KCNQ3: variants seen among roughly 807,000 people sequenced by gnomAD.
KCNQ3 encodes the protein potassium voltage-gated channel subfamily Q member 3, also known as potassium voltage-gated channel subfamily KQT member 3.
In KCNQ3, 30 loss-of-function variants were observed where a neutral mutation model predicts 92.5. The observed-to-expected ratio is 0.32, with a 90% confidence interval of 0.24 to 0.44. The LOEUF (loss-of-function observed/expected upper bound fraction) is 0.44, where lower values mean the gene tolerates loss of function less well. Among genes scored for constraint, KCNQ3 ranks in the 20% least tolerant of loss-of-function variants. The pLI, the probability that KCNQ3 is intolerant of heterozygous loss-of-function variation, is 1.00. For synonymous variants in KCNQ3, 450 were observed against 468.8 expected (o/e 0.96, Z 0.52); for missense variants, 913 against 1,140.3 (o/e 0.80, Z 2.87).
chr8:132,309,727 C>T (rs372078789), intron 1 of KCNQ3, among the ~76,000 whole-genome samples: 33 of 152,274 alleles, frequency 2.2e-4, no homozygotes, highest in African/African-American at 7.9e-4. Context: ...TTGAAGAAGC[C>T]GACAAAGACA....
chr8:132,336,140 T>G (rs559186400), intron 1 of KCNQ3, among the ~76,000 whole-genome samples: 1 of 152,200 alleles, frequency 6.6e-6, no homozygotes, highest in Non-Finnish European at 1.5e-5. Context: ...CCCACCTGAC[T>G]GTGCATTCCC....
chr8:132,148,184 AG>A, intron 9 of KCNQ3, among the ~76,000 whole-genome samples: 1 of 152,308 alleles, frequency 6.6e-6, no homozygotes, highest in South Asian at 2.1e-4. Flanking sequence ...GCCAAAAGAA[AG>A]GGGGTCTGGA....
At chr8:132,246,494 C>G (rs553139678) in intron 1 of KCNQ3, among the ~76,000 whole-genome samples, 1 of 152,174 alleles carries the variant, frequency 6.6e-6, no homozygotes, top group Non-Finnish European at 1.5e-5. Context: ...ATAAACAACA[C>G]TTTAAATCAT....
intron 1 of KCNQ3, among the ~76,000 whole-genome samples, chr8:132,343,445 A>G (rs1034744914): frequency 6.6e-6 from 1 of 152,198 alleles, no homozygotes; most frequent in African/African-American, 2.4e-5. Context: ...GAAATACCCA[A>G]GGAAGCCTCC....
intron 1 of KCNQ3, among the ~76,000 whole-genome samples, chr8:132,453,039 C>T (rs1284675383): frequency 2.0e-5 from 3 of 152,106 alleles, no homozygotes; most frequent in Non-Finnish European, 4.4e-5. Context: ...TCAGGGAAGC[C>T]CCTCCTGGAT....
intron 1 of KCNQ3, among the ~76,000 whole-genome samples, chr8:132,473,091 T>C (rs112258418): frequency 0.022 from 3,292 of 152,172 alleles, 48 homozygotes; most frequent in African/African-American, 0.025. Context: ...TGACAACTTA[T>C]CAAAATCCTT....
chr8:132,205,174 ACC>A (rs1813617924), intron 1 of KCNQ3, among the ~76,000 whole-genome samples: 2 of 152,286 alleles, frequency 1.3e-5, no homozygotes, highest in East Asian at 3.9e-4. Flanking sequence ...TGTGGTACTC[ACC>A]CTCCAAAAAG....
At chr8:132,218,091 G>A (rs1057157172) in intron 1 of KCNQ3, among the ~76,000 whole-genome samples, 2 of 152,182 alleles carry the variant, frequency 1.3e-5, no homozygotes, top group African/African-American at 2.4e-5. Context: ...AATGAAGGAG[G>A]CTTTGTGAAT....
chr8:132,143,091 T>C (rs1424060328), intron 9 of KCNQ3, among the ~76,000 whole-genome samples: 1 of 152,218 alleles, frequency 6.6e-6, no homozygotes, highest in Admixed American at 6.5e-5. Flanking sequence ...GAGCAGTTGT[T>C]ATTCCTGACT....
chr8:132,148,828 G>A (rs747849), intron 9 of KCNQ3, among the ~76,000 whole-genome samples: 78,632 of 151,996 alleles, frequency 0.52, 20,706 homozygotes, highest in African/African-American at 0.6. Flanking sequence ...ACACCATTTG[G>A]GCTCATGGTT....
At position 132,140,166 on chromosome 8, in the gene KCNQ3, C is replaced by A. The variant is rs1371480184; in HGVS notation, c.1478G>T (p.Gly493Val). 1 of 1,613,142 alleles carries A rather than the reference C, an allele frequency of 6.2e-7. No homozygotes were observed. Among genetic ancestry groups the A allele is most frequent in the African/African-American group, 1.3e-5 (1 of 74,862 alleles). The part of the protein sequence containing the change: ...FWQSSEDAGT[G>V]DPMAEDRGYG... ...GCCCCTGTCTTCCGCCATGGGGTCA[C>A]CTGTCCCGGCATCTGGGAGGGAGAC... Residue 493 changes from glycine (G) to valine (V), a missense_variant, in exon 11 of 15, where the codon GGT (glycine) becomes GTT (valine). Gly to Val is a moderately radical substitution (Grantham distance 109). Transcript: ENST00000388996.
intron 1 of KCNQ3, among the ~76,000 whole-genome samples, chr8:132,290,014 T>C (rs1040040253): frequency 2.6e-5 from 4 of 152,184 alleles, no homozygotes; most frequent in African/African-American, 4.8e-5. Context: ...TCCACATCTG[T>C]AGAAAAATGG....
Position 132,481,025 on chromosome 8 carries a change from C to T in KCNQ3, c.-493G>A, listed in dbSNP as rs1163569358. The T allele has an allele frequency of 1.4e-4, 21 of 153,450 alleles. No individual in the cohort carries two copies. In the East Asian group the frequency reaches 3.3e-3, roughly 24 times the overall value. 9.5% of individuals were successfully genotyped at this position (153,450 alleles called of 1,614,324 possible). On this transcript the variant is annotated 5_prime_UTR_variant, in exon 1 of 15. Coordinates refer to ENST00000388996, the MANE Select transcript of KCNQ3 (RefSeq NM_004519.4). ...CTCCTCCGCGCTCCCACCCGCGCCCCTCCCCGCCCGTTCCAGCCTCAGCCT... is the reference window on the plus strand; with the variant it reads ...CTCCTCCGCGCTCCCACCCGCGCCCTTCCCCGCCCGTTCCAGCCTCAGCCT...
At chr8:132,363,355 TCCC>T in intron 1 of KCNQ3, among the ~76,000 whole-genome samples, 1 of 152,120 alleles carries the variant, frequency 6.6e-6, no homozygotes, top group African/African-American at 2.4e-5. Flanking sequence ...GGTAAGTGTT[TCCC>T]AAATTATCTG....
At chr8:132,405,436 CCTT>C (rs1820450198) in intron 1 of KCNQ3, among the ~76,000 whole-genome samples, 1 of 152,216 alleles carries the variant, frequency 6.6e-6, no homozygotes, top group South Asian at 2.1e-4. Flanking sequence ...CAAAAAGACT[CCTT>C]CTTGTATTTG....
chr8:132,477,518 G>A (rs2130871862), intron 1 of KCNQ3, among the ~76,000 whole-genome samples: 1 of 152,306 alleles, frequency 6.6e-6, no homozygotes, highest in South Asian at 2.1e-4. Context: ...ATGTTCACTT[G>A]ACTGGACTGT....
intron 1 of KCNQ3, among the ~76,000 whole-genome samples, chr8:132,444,135 TAC>T: frequency 6.6e-6 from 1 of 152,260 alleles, no homozygotes; most frequent in East Asian, 1.9e-4. Context: ...GAAAGGATGC[TAC>T]CACTCCATCA....
At chr8:132,338,355 T>C (rs538942100) in intron 1 of KCNQ3, among the ~76,000 whole-genome samples, 5 of 152,268 alleles carry the variant, frequency 3.3e-5, no homozygotes, top group South Asian at 2.1e-4. Context: ...AGTCCAACCA[T>C]TGGGATTTAA....
intron 1 of KCNQ3, among the ~76,000 whole-genome samples, chr8:132,387,099 CA>C (rs1161774085): frequency 6.6e-6 from 1 of 152,132 alleles, no homozygotes; most frequent in Non-Finnish European, 1.5e-5. Context: ...AACATTCTCT[CA>C]AATACTCACA....
Sources: allele counts gnomAD v4.1 joint callset (sites outside exome capture counted in the v4.1 genomes callset), GRCh38; gene constraint gnomAD v4.1.1; transcripts MANE v1.5; gene names NCBI Gene and HGNC (gene_info 2026-07-23, HGNC 2026-07-21).